The following ESRRG variants were observed in gnomAD, a reference collection of about 807,000 sequenced individuals.
The protein encoded by ESRRG is estrogen-related receptor gamma.
Under a neutral mutation model 44.0 loss-of-function variants are expected in ESRRG, and 13 were observed. The observed-to-expected ratio is 0.30, with a 90% CI of 0.19 to 0.47. The LOEUF is 0.47. Ranked by LOEUF, ESRRG falls within the 20% of genes least tolerant of loss-of-function variation. The probability of loss-of-function intolerance (pLI) is 1.00; values close to 1 mark genes in which losing one functional copy is unlikely to be tolerated. For synonymous variants in ESRRG, 215 were observed against 214.6 expected, an observed-to-expected ratio of 1.00 and a Z score of -0.02; for missense variants, 395 against 580.6, an observed-to-expected ratio of 0.68 and a Z score of 3.29.
intron 5 of ESRRG, among the ~76,000 whole-genome samples, chr1:216,526,496 G>A (rs1325265553): frequency 6.6e-6 from 1 of 152,158 alleles, no homozygotes; most frequent in Admixed American, 6.5e-5. Flanking sequence ...GCATGGACCA[G>A]ACTAGCCTGC....
intron 1 of ESRRG, among the ~76,000 whole-genome samples, chr1:216,976,610 T>C (rs2150347208): frequency 6.6e-6 from 1 of 152,294 alleles, no homozygotes; most frequent in East Asian, 1.9e-4. Context: ...TAGGGGCTCA[T>C]TGAACAAAGG....
intron 3 of ESRRG, among the ~76,000 whole-genome samples, chr1:216,622,112 G>C (rs563055774): frequency 6.6e-6 from 1 of 152,232 alleles, no homozygotes; most frequent in African/African-American, 2.4e-5. Context: ...TCTATCCTTA[G>C]CTCCAAATTC....
intron 2 of ESRRG, among the ~76,000 whole-genome samples, chr1:216,746,388 T>A (rs2091401568): frequency 6.6e-6 from 1 of 152,144 alleles, no homozygotes; most frequent in Non-Finnish European, 1.5e-5. Context: ...ATATTCATAT[T>A]TACAGGCAAA....
At position 217,114,815 on chromosome 1, in the gene ESRRG, C is replaced by T. The variant is rs377690189; in HGVS notation, c.-230+22852G>A. On this transcript the variant is annotated intron_variant, in intron 1 of 8. Transcript: ENST00000366940. ...GGGATTACAGGCGCCCGCCACCACACGCAGCTAATTTTTGTATTTTTAGTA... is the reference window on the plus strand; with the variant it reads ...GGGATTACAGGCGCCCGCCACCACATGCAGCTAATTTTTGTATTTTTAGTA... Among the ~76,000 whole-genome samples the T allele has an allele frequency of 5.3e-5, 8 of 151,982 alleles. No homozygotes were observed. The East Asian group carries it at 1.4e-3, about 26-fold the overall frequency.
chr1:216,684,513 G>A (rs746762752), intron 1 of ESRRG, among the ~76,000 whole-genome samples: 8 of 152,140 alleles, frequency 5.3e-5, no homozygotes, highest in Non-Finnish European at 7.4e-5. Flanking sequence ...TAATAATGCC[G>A]AGTAATTGCA....
intron 3 of ESRRG, among the ~76,000 whole-genome samples, chr1:216,640,533 G>T (rs1196785400): frequency 6.6e-6 from 1 of 151,354 alleles, no homozygotes; most frequent in African/African-American, 2.4e-5. Flanking sequence ...GAGAGAGGAC[G>T]AACTACAGAA....
intron 1 of ESRRG, among the ~76,000 whole-genome samples, chr1:216,679,518 A>G (rs2076663464): frequency 1.3e-5 from 2 of 152,218 alleles, no homozygotes; most frequent in South Asian, 4.2e-4. Flanking sequence ...TAGGGTACTA[A>G]ACCATGCTTG....
intron 1 of ESRRG, among the ~76,000 whole-genome samples, chr1:216,984,241 C>A (rs538175473): frequency 6.6e-6 from 1 of 152,134 alleles, no homozygotes; most frequent in African/African-American, 2.4e-5. Context: ...TTTTGAAGAA[C>A]TGAGAACTCA....
intron 1 of ESRRG, among the ~76,000 whole-genome samples, chr1:217,113,025 C>T (rs752986786): frequency 5.3e-5 from 8 of 152,068 alleles, no homozygotes; most frequent in Non-Finnish European, 1.0e-4. Context: ...TCATGGGAAA[C>T]CCATAGACTT....
chr1:216,574,009 T>C (rs1299913820), intron 3 of ESRRG, among the ~76,000 whole-genome samples: 1 of 152,028 alleles, frequency 6.6e-6, no homozygotes, highest in Non-Finnish European at 1.5e-5. Context: ...ACCTTTTCAA[T>C]CTTAAACACA....
Position 216,506,876 on chromosome 1 carries a change from T to A in ESRRG, c.*63A>T, listed in dbSNP as rs373580120. 5 of 1,548,232 alleles carry A rather than the reference T, an allele frequency of 3.2e-6. No individual in the cohort carries two copies. Among genetic ancestry groups the A allele is most frequent in the East Asian group, 2.2e-5 (1 of 44,516 alleles). The stretch of plus-strand genomic sequence containing the variant: ...AACTAAACTCTAAGTTTCTTCGACA[T>A]CACTCTTGGGTTTATTTTCCCTTTT... On this transcript the variant is annotated 3_prime_UTR_variant, in exon 7 of 7. Coordinates refer to ENST00000408911, the MANE Select transcript of ESRRG (RefSeq NM_001438.4).
intron 1 of ESRRG, among the ~76,000 whole-genome samples, chr1:216,951,717 ATGTGTGTGTG>A (rs59233267): frequency 0.011 from 1,544 of 143,614 alleles, 17 homozygotes; most frequent in African/African-American, 0.032. Flanking sequence ...AACTATCACT[ATGTGTGTGTG>A]TGTGTGTGTG....
chr1:216,983,511 CG>C (rs1183700945), intron 1 of ESRRG, among the ~76,000 whole-genome samples: 1 of 152,066 alleles, frequency 6.6e-6, no homozygotes, highest in African/African-American at 2.4e-5. Context: ...GGATTACAAA[CG>C]TGATGTACTG....
chr1:216,979,510 G>C (rs2073570543), intron 1 of ESRRG, among the ~76,000 whole-genome samples: 1 of 152,024 alleles, frequency 6.6e-6, no homozygotes, highest in African/African-American at 2.4e-5. Context: ...TGGGTCTTCT[G>C]GCCATGATAT....
chr1:216,678,371 T>C (rs1220640888), intron 1 of ESRRG, among the ~76,000 whole-genome samples: 1 of 152,244 alleles, frequency 6.6e-6, no homozygotes, highest in African/African-American at 2.4e-5. Flanking sequence ...ATATTATATG[T>C]ATATTATCTG....
chr1:217,114,641 T>C (rs754208116), intron 1 of ESRRG, among the ~76,000 whole-genome samples: 2 of 151,746 alleles, frequency 1.3e-5, no homozygotes, highest in Admixed American at 1.3e-4. Flanking sequence ...ACACCTGTCA[T>C]TTGTGCATGG....
chr1:217,032,558 C>T (rs1280062067), intron 1 of ESRRG, among the ~76,000 whole-genome samples: 3 of 152,190 alleles, frequency 2.0e-5, no homozygotes, highest in Non-Finnish European at 4.4e-5. Context: ...TAGAACTCAA[C>T]ATGATCCAGC....
At chr1:216,571,934 A>C (rs2060881184) in intron 3 of ESRRG, among the ~76,000 whole-genome samples, 1 of 152,198 alleles carries the variant, frequency 6.6e-6, no homozygotes, top group South Asian at 2.1e-4. Flanking sequence ...GATAGCGATT[A>C]ATGGTAAAAA....
At chr1:216,624,898 G>A (rs998506568) in intron 3 of ESRRG, among the ~76,000 whole-genome samples, 4 of 152,034 alleles carry the variant, frequency 2.6e-5, no homozygotes, top group East Asian at 1.9e-4. Flanking sequence ...CTTCTCATCC[G>A]AGTTTCTACT....
Sources: gnomAD v4.1 joint callset for allele counts (sites outside exome capture counted in the v4.1 genomes callset) on GRCh38, gnomAD v4.1.1 for gene constraint, MANE v1.5 for transcripts, NCBI Gene and HGNC (gene_info 2026-07-23, HGNC 2026-07-21) for gene names.